RBFOX3: variants seen among roughly 807,000 people sequenced by gnomAD.
RBFOX3 encodes the protein RNA binding protein fox-1 homolog 3.
A neutral mutation model predicts 48.7 loss-of-function variants in RBFOX3; 17 were observed. That is an observed-to-expected ratio of 0.35 (90% confidence interval 0.24 to 0.52). The LOEUF is 0.52. Ranked by LOEUF, RBFOX3 falls within the 20% of genes least tolerant of loss-of-function variation. The pLI is 0.94. For synonymous variants in RBFOX3, 212 were observed against 209.5 expected (o/e 1.01, Z -0.10); for missense variants, 382 against 497.5 (o/e 0.77, Z 2.21).
chr17:79,104,090 T>TA lies in RBFOX3; in HGVS notation c.396dup (p.Asn133Ter). On this transcript the variant is annotated frameshift_variant, in exon 7 of 15. Coordinates refer to ENST00000693108, the MANE Select transcript of RBFOX3 (RefSeq NM_001350451.2). LOFTEE classifies it high-confidence loss of function. ...GCACCCACCTTGGAGCCCCGCTCGT[T>TA]AAAAATGATCTCCACGTCTAAAATT... is the stretch of plus-strand genomic sequence containing the variant. 6.4e-7 allele frequency: 1 copy of TA among 1,551,176 alleles called. No homozygotes were observed.
chr17:79,178,801 C>A (rs1042407468), intron 4 of RBFOX3, among the ~76,000 whole-genome samples: 1 of 152,202 alleles, frequency 6.6e-6, no homozygotes, highest in Admixed American at 6.5e-5. Flanking sequence ...AGGACCGCTG[C>A]GTGGGTTCAT....
chr17:79,167,635 G>A (rs982828450), intron 4 of RBFOX3, among the ~76,000 whole-genome samples: 6 of 152,298 alleles, frequency 3.9e-5, no homozygotes, highest in Admixed American at 1.3e-4. Flanking sequence ...AGCCCCGGCC[G>A]CAGTCTGCCT....
At chr17:79,377,308 G>A (rs2059334939) in intron 2 of RBFOX3, among the ~76,000 whole-genome samples, 1 of 152,084 alleles carries the variant, frequency 6.6e-6, no homozygotes, top group Non-Finnish European at 1.5e-5. Context: ...GCCCTGCATG[G>A]ACACGTGCAC....
In RBFOX3 at chr17:79,482,969, T is replaced by C. The variant is rs2149495925; in HGVS notation, c.-319-371A>G. Among the ~76,000 whole-genome samples the C allele has an allele frequency of 6.6e-6, 1 of 151,928 alleles. No individual in the cohort carries two copies. Among genetic ancestry groups the C allele is most frequent in the Admixed American group, 6.6e-5 (1 of 15,248 alleles). On this transcript the variant is annotated intron_variant, in intron 1 of 14. Transcript: ENST00000693108. This position sits in a 1 kb window ranked among gnomAD's most constrained non-coding sequence, Gnocchi z 4.1. ...CGCCTTTCCCACTACCGCCCGCTCT[T>C]GCTTCCTCCCCCACCCAGCCTAGAT...
chr17:79,277,363 C>A (rs983333517), intron 3 of RBFOX3, among the ~76,000 whole-genome samples: 28 of 151,880 alleles, frequency 1.8e-4, no homozygotes, highest in South Asian at 4.1e-4. Flanking sequence ...ATAAGTATTA[C>A]AATTGAGTTT....
At chr17:79,229,228 GTC>G (rs1189562101) in intron 4 of RBFOX3, among the ~76,000 whole-genome samples, 1 of 47,290 alleles carries the variant, frequency 2.1e-5, no homozygotes, top group African/African-American at 9.5e-5. Flanking sequence ...ATGAGACTCT[GTC>G]AAAAAAAAAA....
chr17:79,356,663 C>T (rs1180854942), intron 2 of RBFOX3, among the ~76,000 whole-genome samples: 1 of 149,498 alleles, frequency 6.7e-6, no homozygotes, highest in African/African-American at 2.5e-5. Context: ...GCCACTGTGC[C>T]CAGCCAGTTT....
chr17:79,114,424 G>A lies in RBFOX3; in HGVS notation c.222+1070C>T, dbSNP rs552312062. Among the ~76,000 whole-genome samples, 3 of 152,338 alleles carry A rather than the reference G, an allele frequency of 2.0e-5. No individual in the cohort carries two copies. The South Asian group carries it at 6.2e-4, about 32-fold the overall frequency. The stretch of plus-strand genomic sequence containing the variant: ...AGCAGGGAGGAAAGGCACCGCCTGG[G>A]TGCCAGATGAGGGTCGGGTCCAGCC... On this transcript the variant is annotated intron_variant, in intron 5 of 14. Transcript: ENST00000693108.
Position 79,212,258 on chromosome 17 carries a change from G to A in RBFOX3, c.-34+23508C>T, listed in dbSNP as rs1228690115. 6.6e-6 allele frequency among the ~76,000 whole-genome samples: 1 copy of A among 152,104 alleles called. No individual in the cohort carries two copies. The highest frequency in any genetic ancestry group is 1.5e-5 in the Non-Finnish European group (1 of 68,012). On this transcript the variant is annotated intron_variant, in intron 4 of 14. Transcript: ENST00000693108. The surrounding 1 kb of genome is among the most constrained non-coding windows in gnomAD (Gnocchi z 4.7). Reference sequence around the variant, plus strand: ...CACCCGCTGCCCTGGGTTCTTCCAGGCTGGGGCTGGGGCTGGGGCAGGGCT... The same window carrying A: ...CACCCGCTGCCCTGGGTTCTTCCAGACTGGGGCTGGGGCTGGGGCAGGGCT...
At chr17:79,472,745 C>T (rs1191069631) in intron 2 of RBFOX3, among the ~76,000 whole-genome samples, 3 of 152,312 alleles carry the variant, frequency 2.0e-5, no homozygotes, top group East Asian at 3.9e-4. Flanking sequence ...CATTCTCAAG[C>T]GAGGACACTG....
chr17:79,553,266 T>C (rs2091322781), intron 1 of RBFOX3, among the ~76,000 whole-genome samples: 1 of 152,234 alleles, frequency 6.6e-6, no homozygotes, highest in Non-Finnish European at 1.5e-5. Context: ...ATATGATGCA[T>C]TATATAAACA....
intron 2 of RBFOX3, among the ~76,000 whole-genome samples, chr17:79,388,976 C>T (rs1057508955): frequency 6.6e-6 from 1 of 152,246 alleles, no homozygotes; most frequent in Non-Finnish European, 1.5e-5. Flanking sequence ...CTCTCAGCTT[C>T]CTTCGCCTCC....
intron 3 of RBFOX3, among the ~76,000 whole-genome samples, chr17:79,291,298 AAG>A (rs1956531169): frequency 6.6e-6 from 1 of 152,126 alleles, no homozygotes; most frequent in South Asian, 2.1e-4. Flanking sequence ...GTGTGGGGAA[AAG>A]AGCGAGAGCT....
intron 2 of RBFOX3, among the ~76,000 whole-genome samples, chr17:79,314,067 C>T (rs1472697881): frequency 6.6e-6 from 1 of 152,220 alleles, no homozygotes; most frequent in African/African-American, 2.4e-5. Context: ...GTTTCAGTCA[C>T]AGGCTCATGA....
intron 14 of RBFOX3, chr17:79,092,640 G>C: frequency 1.0e-6 from 1 of 987,262 alleles, no homozygotes; most frequent in Non-Finnish European, 1.2e-6. Context: ...GCAGAGGCTA[G>C]CCTGCAACAT....
chr17:79,175,803 G>A (rs1441589044), intron 4 of RBFOX3, among the ~76,000 whole-genome samples: 1 of 152,262 alleles, frequency 6.6e-6, no homozygotes, highest in Middle Eastern at 3.2e-3. Context: ...GAGCTGCGGG[G>A]CGCAGTAGCC....
In RBFOX3 at chr17:79,199,070, G is replaced by C. The variant is rs2056288507; in HGVS notation, c.-34+36696C>G. Among the ~76,000 whole-genome samples, 1 of 152,208 alleles carries C rather than the reference G, an allele frequency of 6.6e-6. No homozygotes were observed. The highest frequency in any genetic ancestry group is 2.1e-4 in the South Asian group (1 of 4,830). ...TTGACTGAGAACTGGTTTTTAGGGA[G>C]AGAGGGAGGAGACCCAGAAAACAGT... On this transcript the variant is annotated intron_variant, in intron 4 of 14. Coordinates refer to ENST00000693108, the MANE Select transcript of RBFOX3 (RefSeq NM_001350451.2). This position sits in a 1 kb window ranked among gnomAD's most constrained non-coding sequence, Gnocchi z 5.1.
rs867309308 is a variant in RBFOX3 at position 79,241,366 on chromosome 17, G to A, written c.-73-5561C>T. Among the ~76,000 whole-genome samples, 8 of 152,198 alleles carry A rather than the reference G, an allele frequency of 5.3e-5. No homozygotes were observed. The South Asian group carries it at 1.7e-3, about 32-fold the overall frequency. ...CGTAACACCATCCTGCACTTCTGGG[G>A]AGGTGATATGTGGAGATTCCATCAT... On this transcript the variant is annotated intron_variant, in intron 3 of 14. Coordinates refer to ENST00000693108, the MANE Select transcript of RBFOX3 (RefSeq NM_001350451.2).
chr17:79,589,407 GC>G (rs2093354000), intron 1 of RBFOX3, among the ~76,000 whole-genome samples: 1 of 152,140 alleles, frequency 6.6e-6, no homozygotes, highest in Non-Finnish European at 1.5e-5. Flanking sequence ...CCCTGTTTGT[GC>G]CTCTGTGTCC....
Sources: allele counts gnomAD v4.1 joint callset (sites outside exome capture counted in the v4.1 genomes callset), GRCh38; gene constraint gnomAD v4.1.1; non-coding constraint Gnocchi (gnomAD v3.1); transcripts MANE v1.5; gene names NCBI Gene and HGNC (gene_info 2026-07-23, HGNC 2026-07-21).